WDPCP: variants seen among roughly 807,000 people sequenced by gnomAD.
The protein encoded by WDPCP is WD repeat-containing and planar cell polarity effector protein fritz homolog.
In WDPCP, 71 loss-of-function variants were observed where a neutral mutation model predicts 93.1. The ratio of observed to expected loss-of-function variants is 0.76; its 90% CI spans 0.63 to 0.93. The LOEUF (loss-of-function observed/expected upper bound fraction) is 0.93. Ranked by LOEUF, WDPCP falls within the 40% of genes least tolerant of loss-of-function variation. WDPCP has a pLI of 0.00. For missense variants in WDPCP, 844 were observed against 887.4 expected (o/e 0.95, Z 0.62); for synonymous variants, 315 against 315.0 (o/e 1.00, Z 0.00).
intron 15 of WDPCP, among the ~76,000 whole-genome samples, chr2:63,172,591 A>C (rs1673477303): frequency 6.6e-6 from 1 of 152,162 alleles, no homozygotes; most frequent in South Asian, 2.1e-4. Flanking sequence ...CTAGCTCCCA[A>C]TACTTATTTT....
intron 10 of WDPCP, among the ~76,000 whole-genome samples, chr2:63,401,258 C>T (rs563799409): frequency 6.6e-6 from 1 of 152,232 alleles, no homozygotes; most frequent in Admixed American, 6.5e-5. Flanking sequence ...TAACAAAGGT[C>T]TAATATCCAG....
chr2:63,193,552 C>T (rs1675197473), intron 14 of WDPCP, among the ~76,000 whole-genome samples: 1 of 152,158 alleles, frequency 6.6e-6, no homozygotes, highest in Non-Finnish European at 1.5e-5. Context: ...GTGGCATGAT[C>T]ACAGCTCACT....
At chr2:63,671,658 G>A (rs751932188) in intron 2 of WDPCP, among the ~76,000 whole-genome samples, 3 of 151,812 alleles carry the variant, frequency 2.0e-5, no homozygotes, top group East Asian at 1.9e-4. Context: ...AGTGATTCTC[G>A]TGCTTCAGCC....
At chr2:63,188,056 T>C (rs1350696222) in intron 14 of WDPCP, among the ~76,000 whole-genome samples, 1 of 152,234 alleles carries the variant, frequency 6.6e-6, no homozygotes, top group African/African-American at 2.4e-5. Flanking sequence ...AGAAATCTGC[T>C]GATAACCTTA....
intron 17 of WDPCP, among the ~76,000 whole-genome samples, chr2:63,130,135 TTTG>T (rs887480325): frequency 3.7e-4 from 57 of 152,266 alleles, no homozygotes; most frequent in African/African-American, 1.3e-3. Flanking sequence ...TATCTGTTTT[TTTG>T]TTGTTGTTTT....
intron 12 of WDPCP, among the ~76,000 whole-genome samples, chr2:63,334,718 T>C (rs1401575966): frequency 6.6e-6 from 1 of 152,094 alleles, no homozygotes; most frequent in Non-Finnish European, 1.5e-5. Context: ...TTATTGCTAG[T>C]GTGAAATGAA....
chr2:63,718,091 A>G (rs1049412087), intron 2 of WDPCP, among the ~76,000 whole-genome samples: 2 of 152,086 alleles, frequency 1.3e-5, no homozygotes, highest in African/African-American at 4.8e-5. Context: ...GATCCCATAT[A>G]TATGATAAAT....
Position 63,724,456 on chromosome 2 carries a change from C to T in WDPCP, n.309-73618G>A, listed in dbSNP as rs147145189. Among the ~76,000 whole-genome samples the T allele has an allele frequency of 4.1e-3, 625 of 152,074 alleles. 3 individuals are homozygous for T. Among genetic ancestry groups the T allele is most frequent in the African/African-American group, 0.014 (584 of 41,490 alleles). On this transcript the variant is annotated intron_variant and non_coding_transcript_variant, in intron 2 of 4. Transcript: ENST00000467687. ...CTTCTACGGATTTTGCTAGTCATTGCGCCTGACTTAAATAGTCATATCTTT... is the reference window on the plus strand; with the variant it reads ...CTTCTACGGATTTTGCTAGTCATTGTGCCTGACTTAAATAGTCATATCTTT...
intron 17 of WDPCP, among the ~76,000 whole-genome samples, chr2:63,138,449 A>G (rs1393527527): frequency 6.6e-6 from 1 of 150,964 alleles, no homozygotes. Context: ...TTACATGAGT[A>G]AGTTCTTTTT....
chr2:63,468,044 A>G (rs993383367), intron 6 of WDPCP, among the ~76,000 whole-genome samples: 1 of 152,160 alleles, frequency 6.6e-6, no homozygotes, highest in Non-Finnish European at 1.5e-5. Flanking sequence ...CCAACGACTG[A>G]GCATCACTGG....
At chr2:63,529,469 T>G (rs1228634165) in intron 1 of WDPCP, among the ~76,000 whole-genome samples, 1 of 152,258 alleles carries the variant, frequency 6.6e-6, no homozygotes, top group South Asian at 2.1e-4. Context: ...TCTATTGAGA[T>G]AATCATGTGG....
chr2:63,569,026 A>G (rs1707287187), intron 1 of WDPCP, among the ~76,000 whole-genome samples: 1 of 152,228 alleles, frequency 6.6e-6, no homozygotes, highest in Non-Finnish European at 1.5e-5. Flanking sequence ...TCTCTACTTT[A>G]TTTTTCATAG....
At chr2:63,385,785 A>G (rs1339489424) in intron 10 of WDPCP, among the ~76,000 whole-genome samples, 6 of 151,988 alleles carry the variant, frequency 3.9e-5, no homozygotes, top group Admixed American at 2.6e-4. Context: ...AGGATCTAGA[A>G]TAGTCAAAAT....
At chr2:63,320,642 A>C (rs953650425) in intron 12 of WDPCP, among the ~76,000 whole-genome samples, 1 of 152,144 alleles carries the variant, frequency 6.6e-6, no homozygotes, top group African/African-American at 2.4e-5. Flanking sequence ...TAGAACACTA[A>C]GGATATAAAT....
chr2:63,499,605 T>C (rs971612020), intron 1 of WDPCP, among the ~76,000 whole-genome samples: 2 of 152,134 alleles, frequency 1.3e-5, no homozygotes, highest in African/African-American at 4.8e-5. Flanking sequence ...AGGACCTGAA[T>C]TGGGGTGGTG....
At chr2:63,728,323 G>C (rs1279435128) in intron 2 of WDPCP, among the ~76,000 whole-genome samples, 1 of 152,160 alleles carries the variant, frequency 6.6e-6, no homozygotes, top group Non-Finnish European at 1.5e-5. Context: ...ATTCAAAGGA[G>C]CTTACTTGGC....
At chr2:63,511,741 A>G (rs982623369) in intron 1 of WDPCP, among the ~76,000 whole-genome samples, 1 of 152,240 alleles carries the variant, frequency 6.6e-6, no homozygotes. Context: ...TTATACAAAA[A>G]TTAACTCATG....
intron 2 of WDPCP, among the ~76,000 whole-genome samples, chr2:63,696,072 C>T (rs1411460761): frequency 6.6e-6 from 1 of 152,112 alleles, no homozygotes; most frequent in Admixed American, 6.5e-5. Context: ...TAGAACCCCA[C>T]AGTGGGTAGC....
intron 3 of WDPCP, chr2:63,622,602 G>C: frequency 6.2e-7 from 1 of 1,613,864 alleles, no homozygotes; most frequent in Non-Finnish European, 8.5e-7. Context: ...GATGTACACC[G>C]AGTGAGCAAC....
Sources: allele counts gnomAD v4.1 joint callset (sites outside exome capture counted in the v4.1 genomes callset), GRCh38; gene constraint gnomAD v4.1.1; transcripts MANE v1.5; gene names NCBI Gene and HGNC (gene_info 2026-07-23, HGNC 2026-07-21).